The following WWP2 variants were observed in gnomAD, a reference collection of about 807,000 sequenced individuals.
WWP2 encodes the protein NEDD4-like E3 ubiquitin-protein ligase WWP2.
WWP2 carries 57 observed loss-of-function variants against 121.0 expected under a neutral mutation model. That is an observed-to-expected ratio of 0.47 (90% CI 0.38 to 0.59). The LOEUF is 0.59. Among genes scored for constraint, WWP2 ranks in the 20% least tolerant of loss-of-function variants. The probability of loss-of-function intolerance (pLI) is 0.00; values close to 1 mark genes in which losing one functional copy is unlikely to be tolerated. For missense variants in WWP2, 962 were observed against 1,158.9 expected (o/e 0.83, Z 2.47); for synonymous variants, 449 against 441.3 (o/e 1.02, Z -0.22).
At chr16:69,932,413 C>T (rs1348452870) in intron 16 of WWP2, among the ~76,000 whole-genome samples, 2 of 152,236 alleles carry the variant, frequency 1.3e-5, no homozygotes, top group African/African-American at 2.4e-5. Context: ...TGGGGTGCCC[C>T]ACTGGGCTGG....
intron 4 of WWP2, among the ~76,000 whole-genome samples, chr16:69,802,306 G>T (rs776858542): frequency 6.6e-6 from 1 of 152,060 alleles, no homozygotes; most frequent in Non-Finnish European, 1.5e-5. Flanking sequence ...ATAGGTTAGT[G>T]GTGTTAAGTA....
At chr16:69,846,637 C>A (rs1282072544) in intron 6 of WWP2, among the ~76,000 whole-genome samples, 1 of 151,856 alleles carries the variant, frequency 6.6e-6, no homozygotes, top group Non-Finnish European at 1.5e-5. Flanking sequence ...AGGAGAATCA[C>A]TTGAACCCCC....
chr16:69,778,187 TATA>T (rs1163652902), intron 1 of WWP2, among the ~76,000 whole-genome samples: 3 of 90,166 alleles, frequency 3.3e-5, no homozygotes, highest in Admixed American at 2.3e-4. Flanking sequence ...TATATATATA[TATA>T]TATTTTTTTT....
At chr16:69,931,034 A>G (rs2151990313) in intron 13 of WWP2, 118 bp from the exon 14 acceptor site, 3 of 916,608 alleles carry the variant, frequency 3.3e-6, no homozygotes, top group Non-Finnish European at 5.1e-6. Flanking sequence ...TCACTTCCTC[A>G]CCTTACATTA....
chr16:69,888,853 C>T (rs1450041597), intron 8 of WWP2, among the ~76,000 whole-genome samples: 2 of 152,122 alleles, frequency 1.3e-5, no homozygotes, highest in African/African-American at 4.8e-5. Flanking sequence ...TACAGGTGCA[C>T]ACCACCACAC....
intron 4 of WWP2, chr16:69,827,887 TC>T (rs1011430254): frequency 2.2e-6 from 1 of 455,938 alleles, no homozygotes. Context: ...TGTATTTATT[TC>T]CCCAGGTACC....
At chr16:69,829,934 G>A (rs1262270026) in intron 4 of WWP2, among the ~76,000 whole-genome samples, 2 of 150,042 alleles carry the variant, frequency 1.3e-5, no homozygotes, top group African/African-American at 4.9e-5. Flanking sequence ...GGGACCATAG[G>A]CACACGCCAC....
chr16:69,810,011 C>T lies in WWP2; in HGVS notation c.340+10716C>T, dbSNP rs942416440. Among the ~76,000 whole-genome samples the T allele has an allele frequency of 3.3e-5, 5 of 152,222 alleles. No individual in the cohort carries two copies. The East Asian group carries it at 7.7e-4, about 24-fold the overall frequency. ...ATACAGTTGTGTAGGGTAAGTGGGT[C>T]ACAGTGCGGTTAGGTAACTCCTCTC... On this transcript the variant is annotated intron_variant, in intron 4 of 23. Coordinates refer to ENST00000359154, the MANE Select transcript of WWP2 (RefSeq NM_001270454.2).
rs2058706301 is a variant in WWP2, at chr16:69,931,204, C to T, written c.1498C>T (p.His500Tyr). ...AYDRSFRWKY[H>Y]QFRFLCHSNA... ...TGACCGCAGTTTTCGGTGGAAGTATCACCAGTTCCGTTTCCTCTGCCATGT... is the reference window on the plus strand; with the variant it reads ...TGACCGCAGTTTTCGGTGGAAGTATTACCAGTTCCGTTTCCTCTGCCATGT... Residue 500 changes from histidine (H) to tyrosine (Y), a missense_variant, in exon 14 of 24, where the codon CAC (histidine) becomes TAC (tyrosine). By Grantham distance (83) the His-to-Tyr change is moderately conservative. This residue lies in a region of WWP2 where 606 missense variants were observed against 772.6 expected (regional missense o/e 0.78). Transcript: ENST00000359154. 2 of 1,614,062 alleles carry T rather than the reference C, an allele frequency of 1.2e-6. No individual in the cohort carries two copies. Among genetic ancestry groups the T allele is most frequent in the African/African-American group, 1.3e-5 (1 of 74,916 alleles).
At chr16:69,860,250 A>G (rs2057391960) in intron 6 of WWP2, among the ~76,000 whole-genome samples, 1 of 152,206 alleles carries the variant, frequency 6.6e-6, no homozygotes, top group Admixed American at 6.5e-5. Context: ...GAATATGCAA[A>G]GTACTGGAGG....
chr16:69,910,742 G>C (rs1218394307), intron 9 of WWP2, among the ~76,000 whole-genome samples: 3 of 152,060 alleles, frequency 2.0e-5, no homozygotes, highest in Non-Finnish European at 4.4e-5. Context: ...TCTTGTCTAG[G>C]AGGGACGTAG....
chr16:69,825,915 C>T (rs969097123), intron 4 of WWP2, among the ~76,000 whole-genome samples: 3 of 152,124 alleles, frequency 2.0e-5, no homozygotes, highest in East Asian at 1.9e-4. Flanking sequence ...TGAGCCACCA[C>T]ACCCTGCCTG....
At chr16:69,792,059 A>T (rs1163965383) in intron 2 of WWP2, among the ~76,000 whole-genome samples, 2 of 152,192 alleles carry the variant, frequency 1.3e-5, no homozygotes, top group Non-Finnish European at 1.5e-5. Flanking sequence ...AACCATTTAA[A>T]TAGCGTAGGT....
chr16:69,862,733 T>C (rs2057447165), intron 6 of WWP2, among the ~76,000 whole-genome samples: 4 of 145,386 alleles, frequency 2.8e-5, no homozygotes, highest in Admixed American at 2.7e-4. Context: ...TTTTTTTTTT[T>C]TGGAAACAGG....
intron 1 of WWP2, among the ~76,000 whole-genome samples, chr16:69,784,825 A>G (rs2055747524): frequency 6.6e-6 from 1 of 152,090 alleles, no homozygotes; most frequent in Admixed American, 6.6e-5. Context: ...GTGTTACTAG[A>G]TTTGGGTATT....
chr16:69,826,370 A>G (rs973251533), intron 4 of WWP2, among the ~76,000 whole-genome samples: 3 of 151,302 alleles, frequency 2.0e-5, no homozygotes, highest in Non-Finnish European at 4.4e-5. Context: ...GTACGAGACC[A>G]GCTTGGCCAA....
At chr16:69,874,636 A>G (rs921594779) in intron 7 of WWP2, among the ~76,000 whole-genome samples, 3 of 152,180 alleles carry the variant, frequency 2.0e-5, no homozygotes, top group African/African-American at 7.2e-5. Flanking sequence ...GAATCAAGAA[A>G]TAGACGAATG....
Position 69,937,292 on chromosome 16 carries a change from C to T in WWP2, c.2238+54C>T. ...AGCCCCTGCCTCTGGGGCGATCCTG[C>T]TCTGTGATACGCTCACTGTGTACCC... is the stretch of plus-strand genomic sequence containing the variant. On this transcript the variant is annotated intron_variant, in intron 20 of 23. Transcript: ENST00000359154. This position sits in a 1 kb window ranked among gnomAD's most constrained non-coding sequence, Gnocchi z 6.6. 2 of 1,601,908 alleles carry T rather than the reference C, an allele frequency of 1.2e-6. No individual in the cohort carries two copies. The highest frequency in any genetic ancestry group is 8.5e-7 in the Non-Finnish European group (1 of 1,174,648).
intron 2 of WWP2, among the ~76,000 whole-genome samples, chr16:69,793,850 G>A (rs1433847129): frequency 6.7e-6 from 1 of 149,644 alleles, no homozygotes; most frequent in African/African-American, 2.5e-5. Flanking sequence ...TCCTAACCTT[G>A]TGGCTGTTGA....
Sources: gnomAD v4.1 joint callset for allele counts (sites outside exome capture counted in the v4.1 genomes callset) on GRCh38, gnomAD v4.1.1 for gene constraint, gnomAD v4.1.1 regional missense constraint, Gnocchi (gnomAD v3.1) non-coding constraint, MANE v1.5 for transcripts, NCBI Gene and HGNC (gene_info 2026-07-23, HGNC 2026-07-21) for gene names.